Variants in RBM20 observed in about 807,000 individuals in gnomAD.
RBM20 encodes RNA binding motif protein 20.
RBM20 carries 51 observed loss-of-function variants against 110.1 expected under a neutral mutation model. The ratio of observed to expected loss-of-function variants is 0.46; its 90% confidence interval spans 0.37 to 0.59. The LOEUF (loss-of-function observed/expected upper bound fraction) is 0.59. RBM20 is among the 20% of genes least tolerant of loss of function. The pLI, the probability that RBM20 is intolerant of heterozygous loss-of-function variation, is 0.00. For synonymous variants in RBM20, 589 were observed against 618.2 expected (o/e 0.95, Z 0.70); for missense variants, 1,512 against 1,574.9 (o/e 0.96, Z 0.68).
chr10:110,823,633 C>A lies in RBM20; in HGVS notation c.3451+19C>A. 3 of 1,550,524 alleles carry A rather than the reference C, an allele frequency of 1.9e-6. No individual in the cohort carries two copies. The East Asian group carries it at 7.3e-5, about 38-fold the overall frequency. ...CCTCTAGGTAAGCAAAACACACAGT[C>A]TTTCCTGAAATTCAGGTCTAGGAAA... On this transcript the variant is annotated intron_variant, in intron 12 of 13. Coordinates refer to ENST00000369519, the MANE Select transcript of RBM20 (RefSeq NM_001134363.3).
chr10:110,667,595 T>G (rs1465764955), intron 1 of RBM20, among the ~76,000 whole-genome samples: 1 of 152,168 alleles, frequency 6.6e-6, no homozygotes, highest in Non-Finnish European at 1.5e-5. Context: ...GCACCACATT[T>G]TCTCTCCTTT....
In RBM20 at chr10:110,679,912, A is replaced by G. The variant is rs545521872; in HGVS notation, c.191+35267A>G. Among the ~76,000 whole-genome samples the G allele has an allele frequency of 1.0e-3, 156 of 152,338 alleles. 1 individual carries two copies. The highest frequency in any genetic ancestry group is 1.9e-3 in the Non-Finnish European group (126 of 68,032). On this transcript the variant is annotated intron_variant, in intron 1 of 13. Coordinates refer to ENST00000369519, the MANE Select transcript of RBM20 (RefSeq NM_001134363.3). ...GTGATTGTCATTCACAGCTCATGCC[A>G]TCTGGTGCCAGAGACGGTCGGCGGG...
At chr10:110,789,263 C>T (rs12251922) in intron 5 of RBM20, among the ~76,000 whole-genome samples, 1,656 of 152,242 alleles carry the variant, frequency 0.011, 34 homozygotes, top group African/African-American at 0.037. Context: ...AGATTATATC[C>T]GAACTGCCAC....
intron 1 of RBM20, among the ~76,000 whole-genome samples, chr10:110,767,681 A>T (rs1279678290): frequency 2.1e-5 from 3 of 143,448 alleles, no homozygotes; most frequent in Non-Finnish European, 4.6e-5. Context: ...CGCTCCTCAC[A>T]TCCCAGACGG....
chr10:110,809,560 C>T (rs901281055), intron 7 of RBM20, among the ~76,000 whole-genome samples: 9 of 152,098 alleles, frequency 5.9e-5, no homozygotes, highest in Admixed American at 3.3e-4. Context: ...GGGCTTTGGT[C>T]GGGAATGGGG....
chr10:110,672,252 C>T (rs1862271839), intron 1 of RBM20, among the ~76,000 whole-genome samples: 1 of 152,214 alleles, frequency 6.6e-6, no homozygotes, highest in African/African-American at 2.4e-5. Flanking sequence ...GACTTCGGCC[C>T]CTGGTGGCCG....
chr10:110,685,031 G>C (rs561191879), intron 1 of RBM20, among the ~76,000 whole-genome samples: 1 of 152,338 alleles, frequency 6.6e-6, no homozygotes, highest in Admixed American at 6.5e-5. Context: ...CGATCTGCCT[G>C]AATTGCGGTA....
At chr10:110,678,661 T>C (rs1280287659) in intron 1 of RBM20, among the ~76,000 whole-genome samples, 2 of 152,228 alleles carry the variant, frequency 1.3e-5, no homozygotes, top group African/African-American at 4.8e-5. Context: ...GGAGATTTGG[T>C]TTCCACATCT....
intron 1 of RBM20, among the ~76,000 whole-genome samples, chr10:110,746,957 C>T (rs7921893): frequency 0.055 from 8,371 of 152,152 alleles, 805 homozygotes; most frequent in African/African-American, 0.19. Flanking sequence ...TTTTTCTACC[C>T]TCTGCACCAT....
rs1843653291 is a variant in RBM20 at position 110,734,768 on chromosome 10, C to T, written c.192-46033C>T. On this transcript the variant is annotated intron_variant, in intron 1 of 13. Coordinates refer to ENST00000369519, the MANE Select transcript of RBM20 (RefSeq NM_001134363.3). ...TCTTGGGTCTCTTCCCAGAGATATTCTTTATTTATATACAGTGCTCCCCAC... is the reference window on the plus strand; with the variant it reads ...TCTTGGGTCTCTTCCCAGAGATATTTTTTATTTATATACAGTGCTCCCCAC... Among the ~76,000 whole-genome samples the T allele has an allele frequency of 2.0e-5, 3 of 150,446 alleles. No homozygotes were observed. The South Asian group carries it at 6.3e-4, about 32-fold the overall frequency.
chr10:110,809,212 G>A (rs965362857), intron 7 of RBM20, among the ~76,000 whole-genome samples: 1 of 11,360 alleles, frequency 8.8e-5, no homozygotes, highest in Non-Finnish European at 3.3e-4. Flanking sequence ...GCAAGACCCC[G>A]TTTCTTAAAA....
intron 1 of RBM20, among the ~76,000 whole-genome samples, chr10:110,661,970 CA>C (rs1408967621): frequency 8.6e-5 from 13 of 150,444 alleles, no homozygotes; most frequent in Non-Finnish European, 1.6e-4. Context: ...GAGATCATGC[CA>C]TTGCACTCCA....
At chr10:110,646,192 T>C (rs1861865276) in intron 1 of RBM20, among the ~76,000 whole-genome samples, 1 of 152,236 alleles carries the variant, frequency 6.6e-6, no homozygotes, top group Non-Finnish European at 1.5e-5. Context: ...CCCTGCACTT[T>C]TCTATTACTT....
At chr10:110,726,532 T>C (rs906800643) in intron 1 of RBM20, among the ~76,000 whole-genome samples, 1 of 152,184 alleles carries the variant, frequency 6.6e-6, no homozygotes, top group African/African-American at 2.4e-5. Flanking sequence ...TATGGGATCA[T>C]GATCAAGTGA....
chr10:110,780,756 C>G (rs1054187967), intron 1 of RBM20, 45 bp from the exon 2 acceptor site: 5 of 1,468,740 alleles, frequency 3.4e-6, no homozygotes, highest in Non-Finnish European at 4.5e-6. Context: ...CCTTGCCCCC[C>G]TCATTGAAAA....
chr10:110,656,217 G>C (rs576131758), intron 1 of RBM20, among the ~76,000 whole-genome samples: 1 of 152,182 alleles, frequency 6.6e-6, no homozygotes, highest in Non-Finnish European at 1.5e-5. Context: ...CAGGAGAATC[G>C]TTTGAACTCG....
chr10:110,821,272 C>T lies in RBM20; in HGVS notation c.2656-3C>T, dbSNP rs1326322211. ...CTGACCTCCATTCTGCATTTTTGTA[C>T]AGGAACAAGATTGGGAGAGTGAAAG... On this transcript the variant is annotated splice_polypyrimidine_tract_variant and splice_region_variant and intron_variant, in intron 10 of 13. Transcript: ENST00000369519. 4.5e-6 allele frequency: 7 copies of T among 1,548,468 alleles called. No individual in the cohort carries two copies. Among genetic ancestry groups the T allele is most frequent in the Admixed American group, 2.0e-5 (1 of 50,878 alleles).
chr10:110,650,476 TC>T (rs1861930598), intron 1 of RBM20, among the ~76,000 whole-genome samples: 1 of 152,196 alleles, frequency 6.6e-6, no homozygotes, highest in Non-Finnish European at 1.5e-5. Context: ...AATCAATCTT[TC>T]CATGTGTTCA....
At chr10:110,698,311 A>G (rs915641050) in intron 1 of RBM20, among the ~76,000 whole-genome samples, 1 of 152,232 alleles carries the variant, frequency 6.6e-6, no homozygotes, top group Admixed American at 6.5e-5. Flanking sequence ...CTTATGGCAG[A>G]TACCCAGGAC....
Sources: allele counts gnomAD v4.1 joint callset (sites outside exome capture counted in the v4.1 genomes callset), GRCh38; gene constraint gnomAD v4.1.1; transcripts MANE v1.5; gene names NCBI Gene and HGNC (gene_info 2026-07-23, HGNC 2026-07-21).